PLPPR5: variants seen among roughly 807,000 people sequenced by gnomAD.
PLPPR5 encodes the protein phospholipid phosphatase-related protein type 5.
In PLPPR5, 16 loss-of-function variants were observed where a neutral mutation model predicts 33.9. The ratio of observed to expected loss-of-function variants is 0.47; its 90% CI spans 0.32 to 0.72. The LOEUF is 0.72. Ranked by LOEUF, PLPPR5 falls within the 30% of genes least tolerant of loss-of-function variation. The pLI, the probability that PLPPR5 is intolerant of heterozygous loss-of-function variation, is 0.03. For missense variants in PLPPR5, 301 were observed against 406.7 expected, an observed-to-expected ratio of 0.74 and a Z score of 2.23; for synonymous variants, 163 against 150.3, an observed-to-expected ratio of 1.08 and a Z score of -0.62.
chr1:98,906,097 T>C (rs1648885455), intron 5 of PLPPR5, among the ~76,000 whole-genome samples: 1 of 151,966 alleles, frequency 6.6e-6, no homozygotes. Flanking sequence ...ATACCTAGTA[T>C]ATATACAGTG....
intron 5 of PLPPR5, among the ~76,000 whole-genome samples, chr1:98,908,726 A>G (rs1649002970): frequency 6.6e-6 from 1 of 152,138 alleles, no homozygotes; most frequent in Non-Finnish European, 1.5e-5. Flanking sequence ...GGTACCTAAA[A>G]TGGGGATGGC....
chr1:98,993,276 T>C lies in PLPPR5; in HGVS notation c.237+11159A>G, dbSNP rs541413464. On this transcript the variant is annotated intron_variant, in intron 1 of 5. Coordinates refer to ENST00000263177, the MANE Select transcript of PLPPR5 (RefSeq NM_001037317.2). ...TCCAGTTATGAAGAAGCATGTTCTC[T>C]TTCACACTGGATTCACGAATCTTTT... Among the ~76,000 whole-genome samples, 5 of 152,200 alleles carry C rather than the reference T, an allele frequency of 3.3e-5. No homozygotes were observed. The South Asian group carries it at 1.0e-3, about 32-fold the overall frequency.
At chr1:98,934,361 G>T (rs1650102059) in intron 3 of PLPPR5, among the ~76,000 whole-genome samples, 1 of 152,112 alleles carries the variant, frequency 6.6e-6, no homozygotes, top group Non-Finnish European at 1.5e-5. Flanking sequence ...GATAAGAAAA[G>T]ATTTCCTAGA....
chr1:98,980,278 C>T (rs1189020808), intron 1 of PLPPR5, among the ~76,000 whole-genome samples: 1 of 152,048 alleles, frequency 6.6e-6, no homozygotes, highest in Non-Finnish European at 1.5e-5. Flanking sequence ...ACTGCTTTTA[C>T]CTGCTTCCTT....
At chr1:98,906,590 T>C (rs1466427012) in intron 5 of PLPPR5, among the ~76,000 whole-genome samples, 1 of 152,054 alleles carries the variant, frequency 6.6e-6, no homozygotes, top group Non-Finnish European at 1.5e-5. Flanking sequence ...TATTCACATG[T>C]TCTTGACCAA....
At chr1:98,935,585 G>A (rs574547358) in intron 3 of PLPPR5, among the ~76,000 whole-genome samples, 3 of 152,198 alleles carry the variant, frequency 2.0e-5, no homozygotes, top group South Asian at 2.1e-4. Context: ...CAAGTCAAAC[G>A]TCCCTATGAT....
chr1:98,940,890 G>C, intron 3 of PLPPR5, among the ~76,000 whole-genome samples: 1 of 151,810 alleles, frequency 6.6e-6, no homozygotes, highest in Non-Finnish European at 1.5e-5. Flanking sequence ...GGGTAACGAG[G>C]GTAGGAATGT....
chr1:98,950,362 C>T (rs1173390468), intron 3 of PLPPR5, among the ~76,000 whole-genome samples: 2 of 152,116 alleles, frequency 1.3e-5, no homozygotes, highest in East Asian at 3.9e-4. Flanking sequence ...GCAATTGGTG[C>T]CTGACACATG....
intron 1 of PLPPR5, among the ~76,000 whole-genome samples, chr1:98,958,920 G>T (rs1423990464): frequency 6.6e-6 from 1 of 152,008 alleles, no homozygotes; most frequent in African/African-American, 2.4e-5. Flanking sequence ...CTTCCACGGG[G>T]TCTCCATCCC....
intron 3 of PLPPR5, among the ~76,000 whole-genome samples, chr1:98,935,488 T>C (rs1419343474): frequency 1.3e-5 from 2 of 152,100 alleles, no homozygotes; most frequent in Non-Finnish European, 2.9e-5. Flanking sequence ...AACCCCCAAT[T>C]TATGATATCA....
intron 1 of PLPPR5, among the ~76,000 whole-genome samples, chr1:98,974,693 C>G (rs1651783047): frequency 6.6e-6 from 1 of 152,070 alleles, no homozygotes; most frequent in South Asian, 2.1e-4. Flanking sequence ...ATAATCCAAG[C>G]TGTGATTCAG....
chr1:98,915,903 C>T (rs931337034), intron 4 of PLPPR5, among the ~76,000 whole-genome samples: 2 of 152,112 alleles, frequency 1.3e-5, no homozygotes, highest in Non-Finnish European at 2.9e-5. Context: ...TTTGCTTACA[C>T]AATAAACAAG....
At position 98,949,927 on chromosome 1, in the gene PLPPR5, C is replaced by A. The variant is rs143040276; in HGVS notation, c.621+3143G>T. On this transcript the variant is annotated intron_variant, in intron 3 of 5. Coordinates refer to ENST00000263177, the MANE Select transcript of PLPPR5 (RefSeq NM_001037317.2). ...ACAAGCAGGAATCCTAGTTTGTAGTCTGAACCAATGTTTAACAGTACAACA... is the reference window on the plus strand; with the variant it reads ...ACAAGCAGGAATCCTAGTTTGTAGTATGAACCAATGTTTAACAGTACAACA... Among the ~76,000 whole-genome samples the A allele has an allele frequency of 3.7e-3, 564 of 152,280 alleles. 2 individuals are homozygous for A. The highest frequency in any genetic ancestry group is 0.013 in the African/African-American group (525 of 41,552).
intron 1 of PLPPR5, among the ~76,000 whole-genome samples, chr1:98,978,556 A>G (rs1363139623): frequency 6.6e-6 from 1 of 152,066 alleles, no homozygotes; most frequent in African/African-American, 2.4e-5. Flanking sequence ...ATCTTTTGCC[A>G]TTACTGGAGA....
chr1:98,996,636 T>A (rs1211330086), intron 1 of PLPPR5, among the ~76,000 whole-genome samples: 1 of 152,134 alleles, frequency 6.6e-6, no homozygotes, highest in Non-Finnish European at 1.5e-5. Flanking sequence ...AACTATAGGT[T>A]AAGATCCTAA....
intron 3 of PLPPR5, among the ~76,000 whole-genome samples, chr1:98,922,525 A>C (rs1490433653): frequency 6.6e-6 from 1 of 152,194 alleles, no homozygotes; most frequent in African/African-American, 2.4e-5. Context: ...CAGCATTATG[A>C]ATACAGCTAG....
chr1:98,921,162 A>C (rs1393855701), intron 4 of PLPPR5, among the ~76,000 whole-genome samples: 1 of 152,182 alleles, frequency 6.6e-6, no homozygotes, highest in African/African-American at 2.4e-5. Context: ...ACTAAAATAC[A>C]TTTTCCAACA....
At chr1:98,930,269 T>G (rs1649916570) in intron 3 of PLPPR5, among the ~76,000 whole-genome samples, 1 of 152,172 alleles carries the variant, frequency 6.6e-6, no homozygotes, top group South Asian at 2.1e-4. Flanking sequence ...AAAGCATATT[T>G]CAAGTATCTC....
At chr1:98,979,477 C>T (rs957840165) in intron 1 of PLPPR5, among the ~76,000 whole-genome samples, 4 of 152,106 alleles carry the variant, frequency 2.6e-5, no homozygotes, top group Non-Finnish European at 5.9e-5. Context: ...CTATTATAGA[C>T]ATCACATTAT....
Sources: gnomAD v4.1 joint callset for allele counts (sites outside exome capture counted in the v4.1 genomes callset) on GRCh38, gnomAD v4.1.1 for gene constraint, MANE v1.5 for transcripts, NCBI Gene and HGNC (gene_info 2026-07-23, HGNC 2026-07-21) for gene names.